The following SYNPR variants were observed in gnomAD, a reference collection of about 807,000 sequenced individuals.
The protein encoded by SYNPR is synaptoporin.
A neutral mutation model predicts 32.9 loss-of-function variants in SYNPR; 23 were observed. The observed-to-expected ratio is 0.70, with a 90% CI of 0.50 to 0.99. The LOEUF (loss-of-function observed/expected upper bound fraction) is 0.99, where lower values mean the gene tolerates loss of function less well. SYNPR is among the 50% of genes least tolerant of loss of function. The probability of loss-of-function intolerance (pLI) is 0.00; values close to 1 mark genes in which losing one functional copy is unlikely to be tolerated. For synonymous variants in SYNPR, 146 were observed against 135.9 expected, an observed-to-expected ratio of 1.07 and a Z score of -0.52; for missense variants, 318 against 349.3, an observed-to-expected ratio of 0.91 and a Z score of 0.71.
intron 1 of SYNPR, among the ~76,000 whole-genome samples, chr3:63,230,770 G>C (rs1041658818): frequency 7.9e-5 from 12 of 152,168 alleles, no homozygotes; most frequent in African/African-American, 2.9e-4. Flanking sequence ...TAGGGTTGCT[G>C]TGAAGGATAA....
intron 3 of SYNPR, among the ~76,000 whole-genome samples, chr3:63,495,497 GGT>G (rs1250279664): frequency 2.0e-4 from 31 of 152,250 alleles, no homozygotes; most frequent in African/African-American, 7.0e-4. Context: ...CTTCTTCCAA[GGT>G]ATGCTTGATT....
At chr3:63,393,733 G>A (rs1488297667) in intron 2 of SYNPR, among the ~76,000 whole-genome samples, 1 of 151,816 alleles carries the variant, frequency 6.6e-6, no homozygotes, top group Admixed American at 6.6e-5. Context: ...GTGGTCTTGA[G>A]CTCCGTGCCT....
chr3:63,492,812 A>G (rs1701280572), intron 3 of SYNPR, among the ~76,000 whole-genome samples: 1 of 152,158 alleles, frequency 6.6e-6, no homozygotes, highest in Non-Finnish European at 1.5e-5. Flanking sequence ...TACTGTTTTC[A>G]AAGTTATAAA....
Position 63,515,893 on chromosome 3 carries a change from A to G in SYNPR, c.209+34937A>G, listed in dbSNP as rs543428375. Among the ~76,000 whole-genome samples the G allele has an allele frequency of 5.3e-5, 8 of 152,054 alleles. No individual in the cohort carries two copies. In the South Asian group the frequency reaches 1.5e-3, roughly 28 times the overall value. ...AATAACATTAAATTATTTTTTTTAC[A>G]TTATCACAATCATGAGGATCCCTCC... On this transcript the variant is annotated intron_variant, in intron 3 of 5. Coordinates refer to ENST00000478300, the MANE Select transcript of SYNPR (RefSeq NM_001130003.2).
At chr3:63,492,778 T>C (rs892808263) in intron 3 of SYNPR, among the ~76,000 whole-genome samples, 3 of 152,140 alleles carry the variant, frequency 2.0e-5, no homozygotes, top group East Asian at 3.9e-4. Flanking sequence ...GGAGAAGCTT[T>C]ACACCCTAGA....
chr3:63,563,003 T>C (rs771436715), intron 4 of SYNPR, among the ~76,000 whole-genome samples: 7 of 152,122 alleles, frequency 4.6e-5, no homozygotes, highest in Non-Finnish European at 8.8e-5. Context: ...AGTGATAAAT[T>C]AATGGTATCT....
At chr3:63,403,150 A>G (rs1263974592) in intron 2 of SYNPR, among the ~76,000 whole-genome samples, 1 of 152,048 alleles carries the variant, frequency 6.6e-6, no homozygotes, top group East Asian at 1.9e-4. Flanking sequence ...ACTAAAGCGT[A>G]TTTTCTTGCA....
At chr3:63,362,931 AATG>A (rs2087680586) in intron 2 of SYNPR, among the ~76,000 whole-genome samples, 1 of 152,190 alleles carries the variant, frequency 6.6e-6, no homozygotes, top group African/African-American at 2.4e-5. Flanking sequence ...CCATTATCTA[AATG>A]ATTCCTGAGG....
chr3:63,560,375 T>A (rs1055339413), intron 4 of SYNPR, among the ~76,000 whole-genome samples: 1 of 152,130 alleles, frequency 6.6e-6, no homozygotes, highest in Non-Finnish European at 1.5e-5. Context: ...ATTGGGGAAG[T>A]AAGGGGTGCT....
chr3:63,282,151 T>G (rs917950313), intron 2 of SYNPR, among the ~76,000 whole-genome samples: 1 of 152,234 alleles, frequency 6.6e-6, no homozygotes, highest in Non-Finnish European at 1.5e-5. Flanking sequence ...AGTGTTTGAT[T>G]TTTTTCATTA....
upstream of SYNPR, among the ~76,000 whole-genome samples, chr3:63,224,360 C>T (rs1028821618): frequency 6.6e-6 from 1 of 152,306 alleles, no homozygotes; most frequent in South Asian, 2.1e-4. Context: ...CATCCACCCC[C>T]TCATCCCTGT....
chr3:63,393,468 T>TTTCC, intron 2 of SYNPR, among the ~76,000 whole-genome samples: 1 of 148,710 alleles, frequency 6.7e-6, no homozygotes, highest in Non-Finnish European at 1.5e-5. Context: ...CCTTTCTTCC[T>TTTCC]TTCCTTCCTT....
intron 2 of SYNPR, among the ~76,000 whole-genome samples, chr3:63,315,770 A>T (rs532371432): frequency 2.0e-4 from 30 of 152,006 alleles, no homozygotes; most frequent in Non-Finnish European, 3.5e-4. Context: ...GACTTGCAGT[A>T]CTATGTTGAA....
At chr3:63,554,426 A>G (rs191762360) in intron 3 of SYNPR, among the ~76,000 whole-genome samples, 1 of 152,288 alleles carries the variant, frequency 6.6e-6, no homozygotes, top group Non-Finnish European at 1.5e-5. Context: ...TCTTCTTCAT[A>G]TGGCTAGCCA....
intron 4 of SYNPR, among the ~76,000 whole-genome samples, chr3:63,565,289 T>C (rs1349135123): frequency 6.6e-6 from 1 of 152,100 alleles, no homozygotes; most frequent in Non-Finnish European, 1.5e-5. Context: ...TACAATAAAA[T>C]ACCTGAGACT....
chr3:63,277,251 A>G (rs2086583301), upstream of SYNPR, among the ~76,000 whole-genome samples: 1 of 152,126 alleles, frequency 6.6e-6, no homozygotes, highest in African/African-American at 2.4e-5. Context: ...GAATAATATT[A>G]TTATTAACTT....
At chr3:63,398,510 G>A (rs1001756052) in intron 2 of SYNPR, among the ~76,000 whole-genome samples, 1 of 151,748 alleles carries the variant, frequency 6.6e-6, no homozygotes, top group African/African-American at 2.4e-5. Flanking sequence ...CACGAGGTCA[G>A]GAGATCGAGA....
intron 2 of SYNPR, among the ~76,000 whole-genome samples, chr3:63,330,699 C>G (rs1454439856): frequency 6.6e-6 from 1 of 151,926 alleles, no homozygotes; most frequent in African/African-American, 2.4e-5. Context: ...TATGTATGAG[C>G]CCTATAAAAG....
At chr3:63,526,431 C>T (rs1214312980) in intron 3 of SYNPR, among the ~76,000 whole-genome samples, 1 of 152,150 alleles carries the variant, frequency 6.6e-6, no homozygotes, top group Admixed American at 6.5e-5. Context: ...GATCATTTCC[C>T]TCTTATTCAT....
Sources: allele counts gnomAD v4.1 joint callset (sites outside exome capture counted in the v4.1 genomes callset), GRCh38; gene constraint gnomAD v4.1.1; transcripts MANE v1.5; gene names NCBI Gene and HGNC (gene_info 2026-07-23, HGNC 2026-07-21).